The following LRP12 variants were observed in gnomAD, a reference collection of about 807,000 sequenced individuals.
LRP12 encodes LDL receptor related protein 12.
In LRP12, 14 loss-of-function variants were observed where a neutral mutation model predicts 66.0. The ratio of observed to expected loss-of-function variants is 0.21; its 90% CI spans 0.14 to 0.33. The LOEUF is 0.33. Among genes scored for constraint, LRP12 ranks in the 10% least tolerant of loss-of-function variants. The pLI is 1.00. For synonymous variants in LRP12, 357 were observed against 359.1 expected (o/e 0.99, Z 0.07); for missense variants, 889 against 1,053.4 (o/e 0.84, Z 2.16).
intron 1 of LRP12, among the ~76,000 whole-genome samples, chr8:104,567,138 A>G (rs1021717746): frequency 6.6e-6 from 1 of 152,130 alleles, no homozygotes; most frequent in Non-Finnish European, 1.5e-5. Context: ...TTTGGCCAGG[A>G]GAATTAGGTA....
At chr8:104,543,081 C>T (rs1435511237) in intron 1 of LRP12, among the ~76,000 whole-genome samples, 1 of 151,508 alleles carries the variant, frequency 6.6e-6, no homozygotes, top group African/African-American at 2.4e-5. Flanking sequence ...AGTGCTGTTA[C>T]TCAGGTATTT....
intron 3 of LRP12, among the ~76,000 whole-genome samples, chr8:104,503,893 T>C (rs1479557266): frequency 6.6e-6 from 1 of 152,212 alleles, no homozygotes; most frequent in African/African-American, 2.4e-5. Flanking sequence ...ATTTTTGTCT[T>C]GGTCCTTGGT....
At chr8:104,533,627 T>G (rs1056870181) in intron 1 of LRP12, among the ~76,000 whole-genome samples, 2 of 152,240 alleles carry the variant, frequency 1.3e-5, no homozygotes, top group Admixed American at 6.6e-5. Flanking sequence ...GTGATACTAA[T>G]GTTTCCAGTA....
intron 1 of LRP12, among the ~76,000 whole-genome samples, chr8:104,553,838 A>G (rs1357800600): frequency 1.3e-5 from 2 of 152,180 alleles, no homozygotes; most frequent in African/African-American, 4.8e-5. Flanking sequence ...AAACCAGTGC[A>G]CTAAACAAAA....
chr8:104,490,875 C>G lies in LRP12; in HGVS notation c.2378G>C (p.Arg793Thr), dbSNP rs1233440309. Residue 793 changes from arginine (R) to threonine (T), a missense_variant, in exon 7 of 7, where the codon AGA (arginine) becomes ACA (threonine). By Grantham distance (71) the Arg-to-Thr change is moderately conservative. Transcript: ENST00000276654. ...SSDFDVNDCSRPLLDLASDQG... is the reference protein window; with the variant it reads ...SSDFDVNDCSTPLLDLASDQG... Reference sequence around the variant, plus strand: ...ATCTGAGGCAAGATCAAGAAGAGGTCTGGAGCAGTCATTCACATCAAAGTC... The same window carrying G: ...ATCTGAGGCAAGATCAAGAAGAGGTGTGGAGCAGTCATTCACATCAAAGTC... The G allele has an allele frequency of 1.2e-6, 2 of 1,614,094 alleles. No homozygotes were observed. Among genetic ancestry groups the G allele is most frequent in the East Asian group, 4.5e-5 (2 of 44,878 alleles).
At chr8:104,550,569 G>A (rs1177165621) in intron 1 of LRP12, among the ~76,000 whole-genome samples, 2 of 152,120 alleles carry the variant, frequency 1.3e-5, no homozygotes, top group African/African-American at 4.8e-5. Flanking sequence ...AATGACACCA[G>A]CATCTCCCAG....
intron 1 of LRP12, among the ~76,000 whole-genome samples, chr8:104,578,031 A>C (rs948430607): frequency 6.6e-6 from 1 of 152,110 alleles, no homozygotes; most frequent in African/African-American, 2.4e-5. Context: ...GCTAGTAAAG[A>C]CAAGAAATAA....
chr8:104,575,406 C>T (rs900928263), intron 1 of LRP12, among the ~76,000 whole-genome samples: 2 of 152,192 alleles, frequency 1.3e-5, no homozygotes, highest in African/African-American at 4.8e-5. Flanking sequence ...CAAGTTGGTC[C>T]CCCAATCCAG....
chr8:104,567,467 G>A (rs1313219772), intron 1 of LRP12, among the ~76,000 whole-genome samples: 2 of 152,074 alleles, frequency 1.3e-5, no homozygotes, highest in Non-Finnish European at 2.9e-5. Context: ...CATAACACGA[G>A]GGAATTCTGG....
intron 1 of LRP12, among the ~76,000 whole-genome samples, chr8:104,573,342 C>T (rs1480174787): frequency 6.6e-6 from 1 of 152,194 alleles, no homozygotes; most frequent in East Asian, 1.9e-4. Context: ...ATACAGGAGT[C>T]CTACCCCCTG....
intron 1 of LRP12, among the ~76,000 whole-genome samples, chr8:104,543,842 A>C (rs1374481761): frequency 1.3e-5 from 2 of 152,152 alleles, no homozygotes; most frequent in African/African-American, 4.8e-5. Flanking sequence ...GAATCACCTG[A>C]ACCTGCGAGG....
chr8:104,490,525 G>A lies in LRP12; in HGVS notation c.*148C>T, dbSNP rs1030539572. 39 of 856,912 alleles carry A rather than the reference G, an allele frequency of 4.6e-5. No homozygotes were observed. Among genetic ancestry groups the A allele is most frequent in the Non-Finnish European group, 6.0e-5 (34 of 571,112 alleles). The allele number at this position is 856,912 out of a possible 1,614,324, so 53.1% of individuals were successfully genotyped here. A position where few individuals can be genotyped will look rare whatever the true frequency, so the allele number is the denominator to read the frequency against. On this transcript the variant is annotated 3_prime_UTR_variant, in exon 7 of 7. Coordinates refer to ENST00000276654, the MANE Select transcript of LRP12 (RefSeq NM_013437.5). The stretch of plus-strand genomic sequence containing the variant: ...TAAGTTCATAGAGTTACAAGTTGTC[G>A]AATTTAACCATGCAGGCTAACATAT...
intron 1 of LRP12, among the ~76,000 whole-genome samples, chr8:104,540,237 G>A (rs1811455475): frequency 6.6e-6 from 1 of 152,110 alleles, no homozygotes; most frequent in Non-Finnish European, 1.5e-5. Flanking sequence ...GACACTGCAT[G>A]CTAGGAAAAG....
At chr8:104,562,222 G>T (rs1811922084) in intron 1 of LRP12, among the ~76,000 whole-genome samples, 1 of 152,086 alleles carries the variant, frequency 6.6e-6, no homozygotes, top group Non-Finnish European at 1.5e-5. Context: ...TCATACATAT[G>T]TAAAGCATTT....
At chr8:104,508,484 G>A (rs1258177137) in intron 3 of LRP12, 1 of 152,196 alleles carries the variant, frequency 6.6e-6, no homozygotes, top group East Asian at 1.9e-4. Flanking sequence ...TTATCAGTTT[G>A]TTTCAAGTTT....
intron 2 of LRP12, among the ~76,000 whole-genome samples, chr8:104,523,599 G>A (rs1032059548): frequency 4.6e-5 from 7 of 152,156 alleles, no homozygotes; most frequent in African/African-American, 1.4e-4. Flanking sequence ...TAAATTGTGT[G>A]TCACAGTACA....
intron 1 of LRP12, among the ~76,000 whole-genome samples, chr8:104,557,427 A>G (rs913677747): frequency 6.6e-6 from 1 of 152,034 alleles, no homozygotes; most frequent in Admixed American, 6.6e-5. Context: ...TGAATTCAGG[A>G]AAGTTTCAGG....
chr8:104,557,922 C>T (rs1811837393), intron 1 of LRP12, among the ~76,000 whole-genome samples: 1 of 152,048 alleles, frequency 6.6e-6, no homozygotes, highest in African/African-American at 2.4e-5. Flanking sequence ...TAAAAGTAGG[C>T]ATATAGGCCT....
chr8:104,569,833 A>T (rs560300145), intron 1 of LRP12, among the ~76,000 whole-genome samples: 17 of 152,138 alleles, frequency 1.1e-4, no homozygotes, highest in East Asian at 7.7e-4. Flanking sequence ...TAAATAAATT[A>T]AAAAAAGGTG....
Sources: allele counts gnomAD v4.1 joint callset (sites outside exome capture counted in the v4.1 genomes callset), GRCh38; gene constraint gnomAD v4.1.1; transcripts MANE v1.5; gene names NCBI Gene and HGNC (gene_info 2026-07-23, HGNC 2026-07-21).